The following MCC variants were observed in gnomAD, a reference collection of about 807,000 sequenced individuals.
MCC encodes the protein colorectal mutant cancer protein.
MCC carries 90 observed loss-of-function variants against 116.2 expected under a neutral mutation model. That is an observed-to-expected ratio of 0.77 (90% CI 0.65 to 0.92). The LOEUF (loss-of-function observed/expected upper bound fraction) is 0.92, where lower values mean the gene tolerates loss of function less well. MCC is among the 40% of genes least tolerant of loss of function. MCC has a pLI of 0.00. For missense variants in MCC, 1,516 were observed against 1,312.2 expected (o/e 1.16, Z -2.40); for synonymous variants, 578 against 510.5 (o/e 1.13, Z -1.78).
At chr5:113,318,601 G>T (rs1011476021) in intron 3 of MCC, among the ~76,000 whole-genome samples, 1 of 151,992 alleles carries the variant, frequency 6.6e-6, no homozygotes, top group Admixed American at 6.6e-5. Context: ...AATACTGCAC[G>T]TTCTTACTTA....
chr5:113,340,935 A>G (rs1354079297), intron 2 of MCC, among the ~76,000 whole-genome samples: 1 of 152,170 alleles, frequency 6.6e-6, no homozygotes, highest in Admixed American at 6.5e-5. Flanking sequence ...CAGGCAAAGC[A>G]TTCAAAAACA....
chr5:113,105,211 G>A (rs762528947), intron 6 of MCC, among the ~76,000 whole-genome samples: 3 of 152,184 alleles, frequency 2.0e-5, no homozygotes, highest in Non-Finnish European at 2.9e-5. Flanking sequence ...ATCTTTCAGA[G>A]TACATTCTTC....
chr5:113,054,172 G>C (rs77198715), intron 14 of MCC, among the ~76,000 whole-genome samples: 37 of 152,128 alleles, frequency 2.4e-4, no homozygotes, highest in Admixed American at 2.4e-3. Context: ...ACTCCTTGAC[G>C]CAACACTGTG....
chr5:113,039,982 G>C (rs568769311), intron 17 of MCC, among the ~76,000 whole-genome samples: 4 of 151,810 alleles, frequency 2.6e-5, no homozygotes, highest in South Asian at 2.1e-4. Context: ...AGATGGAGAA[G>C]GTTTTTACAG....
intron 8 of MCC, 40 bp downstream of exon 8, chr5:113,101,698 GC>G: frequency 6.2e-7 from 1 of 1,602,396 alleles, no homozygotes. Flanking sequence ...TCAGCCCCAT[GC>G]CCAGGAAGGG....
intron 1 of MCC, among the ~76,000 whole-genome samples, chr5:113,457,725 A>C (rs1263577590): frequency 7.0e-6 from 1 of 143,358 alleles, no homozygotes; most frequent in Non-Finnish European, 1.5e-5. Context: ...CCCTGTGTCT[A>C]GCTCAGGGGT....
At chr5:113,465,610 T>C (rs974498569) in intron 1 of MCC, among the ~76,000 whole-genome samples, 2 of 152,164 alleles carry the variant, frequency 1.3e-5, no homozygotes, top group Middle Eastern at 3.2e-3. Context: ...GGAAAATATT[T>C]GCAACCTGAC....
rs1225996392 is a variant in MCC at position 113,433,949 on chromosome 5, C to A, written c.171-48737G>T. 3 of 1,613,876 alleles carry A rather than the reference C, an allele frequency of 1.9e-6. No individual in the cohort carries two copies. Among genetic ancestry groups the A allele is most frequent in the Non-Finnish European group, 2.5e-6 (3 of 1,179,894 alleles). On this transcript the variant is annotated intron_variant, in intron 1 of 18. Transcript: ENST00000408903. ...TGTCAGAGCCAGGTTCGGGGGTCCA[C>A]AAGGGTTCAGTTCCCCGGGAACTCT...
intron 3 of MCC, among the ~76,000 whole-genome samples, chr5:113,332,828 T>C (rs1378560980): frequency 6.6e-6 from 1 of 151,660 alleles, no homozygotes; most frequent in African/African-American, 2.4e-5. Context: ...TAATAGCAAA[T>C]AGCCAAACAA....
intron 1 of MCC, 133 bp downstream of exon 1, chr5:113,488,112 A>T: frequency 3.4e-6 from 3 of 877,034 alleles, no homozygotes; most frequent in Non-Finnish European, 4.9e-6. Flanking sequence ...GCGCTCTCGG[A>T]GTCGCGGCCA....
At chr5:113,459,133 ATGTGTG>A (rs542497591) in intron 1 of MCC, among the ~76,000 whole-genome samples, 1,965 of 68,350 alleles carry the variant, frequency 0.029, 48 homozygotes, top group East Asian at 0.1. Flanking sequence ...GAGTAAGGAT[ATGTGTG>A]TGTGTGTGTG....
At chr5:113,296,510 G>A (rs1291964615) in intron 3 of MCC, among the ~76,000 whole-genome samples, 1 of 152,200 alleles carries the variant, frequency 6.6e-6, no homozygotes, top group African/African-American at 2.4e-5. Context: ...GAGCCCAGCA[G>A]AGATGGGAAG....
chr5:113,076,314 C>T lies in MCC; in HGVS notation c.1785-5080G>A, dbSNP rs535079453. On this transcript the variant is annotated intron_variant, in intron 11 of 18. Transcript: ENST00000408903. ...CATTCAGGAAATACAGAGAACACCA[C>T]AAAGATACTCCTTGAGAAGAGCATC... 3.0e-4 allele frequency among the ~76,000 whole-genome samples: 45 copies of T among 152,246 alleles called. No homozygotes were observed. The South Asian group carries it at 8.9e-3, about 30-fold the overall frequency.
At chr5:113,346,009 T>C (rs1057414269) in intron 2 of MCC, among the ~76,000 whole-genome samples, 1 of 152,162 alleles carries the variant, frequency 6.6e-6, no homozygotes, top group Non-Finnish European at 1.5e-5. Context: ...AATTTAGAAT[T>C]CTATCAGATA....
At position 113,071,089 on chromosome 5, in the gene MCC, C is replaced by T; in HGVS notation, c.1925+5G>A. On this transcript the variant is annotated splice_donor_5th_base_variant and intron_variant, in intron 12 of 18. Coordinates refer to ENST00000408903, the MANE Select transcript of MCC (RefSeq NM_001085377.2). The stretch of plus-strand genomic sequence containing the variant: ...GTAGCTCCAAACATCCCAGTGTGTG[C>T]CTACCTGTACTGCAAGGCCAGCCTC... 2.0e-6 allele frequency: 3 copies of T among 1,527,130 alleles called. No individual in the cohort carries two copies. Among genetic ancestry groups the T allele is most frequent in the Non-Finnish European group, 2.6e-6 (3 of 1,140,992 alleles). The allele number at this position is 1,527,130 out of a possible 1,614,324, so 94.6% of individuals were successfully genotyped here. A position where few individuals can be genotyped will look rare whatever the true frequency, so the allele number is the denominator to read the frequency against.
chr5:113,207,951 C>T (rs1762979344), intron 3 of MCC, among the ~76,000 whole-genome samples: 1 of 152,116 alleles, frequency 6.6e-6, no homozygotes, highest in African/African-American at 2.4e-5. Context: ...ATCGTGTCTG[C>T]CTTCACCATT....
At chr5:113,338,501 C>G (rs145467580) in intron 3 of MCC, among the ~76,000 whole-genome samples, 1 of 152,314 alleles carries the variant, frequency 6.6e-6, no homozygotes, top group Non-Finnish European at 1.5e-5. Context: ...AGATAGGAAA[C>G]AGCCAACTCC....
intron 5 of MCC, among the ~76,000 whole-genome samples, chr5:113,140,919 G>A (rs758696803): frequency 3.9e-5 from 6 of 152,152 alleles, no homozygotes; most frequent in Non-Finnish European, 7.3e-5. Context: ...AATTTTAGGT[G>A]TCAACTTGAC....
At position 113,385,099 on chromosome 5, in the gene MCC, C is replaced by T; in HGVS notation, c.284G>A (p.Arg95Lys). ...NGKISFQDFT[R>K]CRMQLVREIR... ...TTCTCGAACAAGCTGCATGCGGCAT[C>T]TTGTGAAATCCTGAAAGGAAATCTT... is the stretch of plus-strand genomic sequence containing the variant. The change falls in exon 2 of 19, where the codon AGA becomes AAA. Residue 95 changes from arginine (R) to lysine (K), a missense_variant. Arg to Lys is a conservative substitution (Grantham distance 26, BLOSUM62 2). Transcript: ENST00000408903. The T allele has an allele frequency of 1.9e-6, 3 of 1,614,200 alleles. No homozygotes were observed. The highest frequency in any genetic ancestry group is 2.5e-6 in the Non-Finnish European group (3 of 1,180,040).
Sources: gnomAD v4.1 joint callset for allele counts (sites outside exome capture counted in the v4.1 genomes callset) on GRCh38, gnomAD v4.1.1 for gene constraint, MANE v1.5 for transcripts, NCBI Gene and HGNC (gene_info 2026-07-23, HGNC 2026-07-21) for gene names.